The following ARID1B variants were observed in gnomAD, a reference collection of about 807,000 sequenced individuals.
ARID1B encodes AT-rich interactive domain-containing protein 1B.
Under a neutral mutation model 212.3 loss-of-function variants are expected in ARID1B, and 30 were observed. That is an observed-to-expected ratio of 0.14 (90% CI 0.11 to 0.19). The LOEUF is 0.19. ARID1B is among the 10% of genes least tolerant of loss of function. The probability of loss-of-function intolerance (pLI) is 1.00; values close to 1 mark genes in which losing one functional copy is unlikely to be tolerated. For synonymous variants in ARID1B, 1,402 were observed against 1,301.7 expected (o/e 1.08, Z -1.66); for missense variants, 2,891 against 3,204.0 (o/e 0.90, Z 2.36).
At chr6:157,132,452 T>G (rs190809044) in intron 6 of ARID1B, among the ~76,000 whole-genome samples, 50 of 152,158 alleles carry the variant, frequency 3.3e-4, no homozygotes, top group Non-Finnish European at 6.5e-4. Flanking sequence ...CTGTAAGGGG[T>G]AGTGCCGAGT....
chr6:157,143,971 A>T (rs1789547728), intron 7 of ARID1B, among the ~76,000 whole-genome samples: 2 of 152,216 alleles, frequency 1.3e-5, no homozygotes, highest in Admixed American at 6.5e-5. Flanking sequence ...AAGTGCACAC[A>T]CGCGTGTCTT....
rs1789975143 is a variant in ARID1B at position 157,148,696 on chromosome 6, G to T, written c.2834G>T (p.Gly945Val). 2 of 1,612,988 alleles carry T rather than the reference G, an allele frequency of 1.2e-6. No individual in the cohort carries two copies. The highest frequency in any genetic ancestry group is 1.7e-6 in the Non-Finnish European group (2 of 1,179,836). Reference sequence around the variant, plus strand: ...TACAGCGGCCCAGGGCCCGGTATGGGTATCAGTGCCAACAACCAGATGCAT... The same window carrying T: ...TACAGCGGCCCAGGGCCCGGTATGGTTATCAGTGCCAACAACCAGATGCAT... The part of the protein sequence containing the change: ...ASYSGPGPGM[G>V]ISANNQMHGQ... The change falls in exon 8 of 20, where the codon GGT becomes GTT. Residue 945 changes from glycine (G) to valine (V), a missense_variant. By Grantham distance (109) the Gly-to-Val change is moderately radical. Around this residue, in one of 7 missense-constraint regions of ARID1B, gnomAD observed 1,643 missense variants for 1,544.0 expected, o/e 1.06. Coordinates refer to ENST00000636930, the MANE Select transcript of ARID1B (RefSeq NM_001374828.1). The surrounding 1 kb of genome is among the most constrained non-coding windows in gnomAD (Gnocchi z 5.6).
chr6:157,181,090 C>G lies in ARID1B; in HGVS notation c.3626C>G (p.Pro1209Arg), dbSNP rs377588212. Reference protein sequence around the residue: ...YLTFMEERGSPVSSLPAVGKK... With the variant: ...YLTFMEERGSRVSSLPAVGKK... ...ACCTTCATGGAAGAGAGAGGCTCTC[C>G]TGTCTCAAGTCTGCCTGCCGTGGGC... Residue 1209 changes from proline to arginine, a missense_variant, in exon 12 of 20, where the codon CCT (proline) becomes CGT (arginine). Physicochemically the swap from Pro to Arg is moderately radical, Grantham distance 103. Around this residue, in one of 7 missense-constraint regions of ARID1B, gnomAD observed 666 missense variants for 873.5 expected, o/e 0.76. Coordinates refer to ENST00000636930, the MANE Select transcript of ARID1B (RefSeq NM_001374828.1). 6.2e-7 allele frequency: 1 copy of G among 1,614,220 alleles called. No homozygotes were observed. The highest frequency in any genetic ancestry group is 1.1e-5 in the South Asian group (1 of 91,088).
intron 2 of ARID1B, among the ~76,000 whole-genome samples, chr6:156,854,496 C>T (rs961781369): frequency 2.0e-5 from 3 of 152,228 alleles, no homozygotes; most frequent in African/African-American, 7.2e-5. Context: ...CTGCTTGGTT[C>T]CTCCAGGCTC....
rs190003962 is a variant in ARID1B at position 156,884,946 on chromosome 6, A to G, written c.1987-16430A>G. 3.7e-3 allele frequency among the ~76,000 whole-genome samples: 558 copies of G among 152,286 alleles called. 4 individuals are homozygous for G. The highest frequency in any genetic ancestry group is 0.013 in the African/African-American group (527 of 41,554). Reference sequence around the variant, plus strand: ...TGGGATAAAGTTTCATTGTTCTTGTAAGAAACATTTTTGAAAGGAAACTAA... The same window carrying G: ...TGGGATAAAGTTTCATTGTTCTTGTGAGAAACATTTTTGAAAGGAAACTAA... On this transcript the variant is annotated intron_variant, in intron 2 of 19. Coordinates refer to ENST00000636930, the MANE Select transcript of ARID1B (RefSeq NM_001374828.1).
rs762338118 is a variant in ARID1B at position 157,190,250 on chromosome 6, G to A, written c.4231+40G>A. ...GCCTCCACCCGGCCATGGACCAGTG[G>A]GCATTCTACTCTCTGCCGTTCCACA... is the stretch of plus-strand genomic sequence containing the variant. On this transcript the variant is annotated intron_variant, in intron 15 of 19. Coordinates refer to ENST00000636930, the MANE Select transcript of ARID1B (RefSeq NM_001374828.1). This position sits in a 1 kb window ranked among gnomAD's most constrained non-coding sequence, Gnocchi z 4.6. The A allele has an allele frequency of 1.0e-5, 16 of 1,573,046 alleles. 1 individual carries two copies. In the South Asian group the frequency reaches 1.6e-4, roughly 16 times the overall value.
In ARID1B at chr6:157,190,147, C is replaced by A. The variant is rs747709980; in HGVS notation, c.4168C>A (p.Pro1390Thr). 14 of 1,614,040 alleles carry A rather than the reference C, an allele frequency of 8.7e-6. No homozygotes were observed. In the African/African-American group the frequency reaches 1.9e-4, roughly 22 times the overall value. The change falls in exon 15 of 20, where the codon CCC (proline) becomes ACC (threonine). Residue 1390 changes from proline (P) to threonine (T), a missense_variant. This residue lies in a region of ARID1B where 666 missense variants were observed against 873.5 expected (regional missense o/e 0.76). Transcript: ENST00000636930. This position sits in a 1 kb window ranked among gnomAD's most constrained non-coding sequence, Gnocchi z 4.6. ...NAPYQQGMSMPDVMGRMPYEP... is the reference protein window; with the variant it reads ...NAPYQQGMSMTDVMGRMPYEP... Reference sequence around the variant, plus strand: ...CCCCTACCAGCAGGGCATGAGCATGCCCGATGTGATGGGCAGGATGCCCTA... The same window carrying A: ...CCCCTACCAGCAGGGCATGAGCATGACCGATGTGATGGGCAGGATGCCCTA...
rs567389279 is a variant in ARID1B at position 157,005,441 on chromosome 6, A to G, written c.2247+69865A>G. On this transcript the variant is annotated intron_variant, in intron 4 of 19. Transcript: ENST00000636930. ...AGTGCTGGGATTACAGGCGTGAGTC[A>G]CCGTGCCAGGCCCTTATGTAGTGGC... is the stretch of plus-strand genomic sequence containing the variant. 3.9e-5 allele frequency among the ~76,000 whole-genome samples: 6 copies of G among 152,224 alleles called. No homozygotes were observed. In the South Asian group the frequency reaches 1.2e-3, roughly 32 times the overall value.
intron 4 of ARID1B, among the ~76,000 whole-genome samples, chr6:157,020,407 T>C (rs1376357496): frequency 6.6e-6 from 1 of 152,192 alleles, no homozygotes; most frequent in East Asian, 1.9e-4. Flanking sequence ...ATTGCGATAA[T>C]ATATAACTAC....
chr6:156,778,116 C>G lies in ARID1B; in HGVS notation c.436C>G (p.Leu146Val), dbSNP rs1487880411. 2 of 1,541,120 alleles carry G rather than the reference C, an allele frequency of 1.3e-6. No homozygotes were observed. Among genetic ancestry groups the G allele is most frequent in the African/African-American group, 2.7e-5 (2 of 72,802 alleles). ...CCCGGGCTCGGCCATGGAGACGGGG[C>G]TGCTCCCCAACCACAAACTGAAAAC... ...SGPGSAMETG[L>V]LPNHKLKTVG... is the part of the protein sequence containing the mutation. The change falls in exon 1 of 20, where the codon CTG becomes GTG. Residue 146 changes from leucine to valine, a missense_variant. This residue lies in a region of ARID1B where 1,643 missense variants were observed against 1,544.0 expected (regional missense o/e 1.06). Transcript: ENST00000636930.
chr6:156,942,005 T>A (rs1011459187), intron 4 of ARID1B: 16 of 152,370 alleles, frequency 1.1e-4, no homozygotes, highest in African/African-American at 3.1e-4. Context: ...TTTAATTTTT[T>A]AAAATACATT....
intron 6 of ARID1B, 54 bp from the exon 7 acceptor site, chr6:157,132,974 T>C (rs1487735319): frequency 5.8e-5 from 89 of 1,546,080 alleles, no homozygotes; most frequent in Non-Finnish European, 7.6e-5. Flanking sequence ...TTTTTATGTA[T>C]GCAGAGATTA....
At chr6:157,092,540 T>G (rs985453456) in intron 5 of ARID1B, among the ~76,000 whole-genome samples, 7 of 152,242 alleles carry the variant, frequency 4.6e-5, no homozygotes, top group African/African-American at 1.7e-4. Flanking sequence ...TTCTGATGGG[T>G]GGGGAATGAG....
At chr6:156,850,618 C>T (rs1320283186) in intron 2 of ARID1B, among the ~76,000 whole-genome samples, 3 of 152,178 alleles carry the variant, frequency 2.0e-5, no homozygotes, top group Non-Finnish European at 4.4e-5. Context: ...CTCAAACAAG[C>T]ATTTAATGTA....
intron 1 of ARID1B, among the ~76,000 whole-genome samples, chr6:156,796,844 G>C (rs1055759606): frequency 6.6e-6 from 1 of 152,222 alleles, no homozygotes; most frequent in Non-Finnish European, 1.5e-5. Flanking sequence ...TGGGGTGGGC[G>C]TAGGAGCAGA....
chr6:156,885,712 A>G (rs796622329), intron 2 of ARID1B, among the ~76,000 whole-genome samples: 28 of 152,336 alleles, frequency 1.8e-4, no homozygotes, highest in African/African-American at 6.5e-4. Context: ...GTACTTTGAT[A>G]CTTTATCCAA....
At chr6:156,839,393 C>G (rs1783735869) in intron 2 of ARID1B, among the ~76,000 whole-genome samples, 1 of 152,108 alleles carries the variant, frequency 6.6e-6, no homozygotes, top group African/African-American at 2.4e-5. Context: ...GAACCTCATT[C>G]TGATGACCTT....
rs867240049 is a variant in ARID1B at position 156,777,955 on chromosome 6, C to G, written c.275C>G (p.Ala92Gly). 3 of 1,529,572 alleles carry G rather than the reference C, an allele frequency of 2.0e-6. No individual in the cohort carries two copies. Among genetic ancestry groups the G allele is most frequent in the Non-Finnish European group, 2.6e-6 (3 of 1,144,610 alleles). 94.8% of individuals were successfully genotyped at this position (1,529,572 alleles called of 1,614,324 possible). A position where few individuals can be genotyped will look rare whatever the true frequency, so the allele number is the denominator to read the frequency against. Residue 92 changes from alanine to glycine, a missense_variant, in exon 1 of 20, where the codon GCC becomes GGC. Around this residue, in one of 7 missense-constraint regions of ARID1B, gnomAD observed 1,643 missense variants for 1,544.0 expected, o/e 1.06. Transcript: ENST00000636930. ...ATGGCCCATAACGCGGGCGCCGCGG[C>G]CGCCGCCGGCACCCACAGCGCCAAG... ...LNMAHNAGAA[A>G]AAGTHSAKSG...
chr6:157,110,816 G>A, intron 6 of ARID1B: 1 of 544,520 alleles, frequency 1.8e-6, no homozygotes, highest in South Asian at 2.2e-5. Flanking sequence ...GCACCATGAA[G>A]CATGGTTCAC....
Sources: allele counts gnomAD v4.1 joint callset (sites outside exome capture counted in the v4.1 genomes callset), GRCh38; gene constraint gnomAD v4.1.1; regional missense constraint gnomAD v4.1.1; non-coding constraint Gnocchi (gnomAD v3.1); transcripts MANE v1.5; gene names NCBI Gene and HGNC (gene_info 2026-07-23, HGNC 2026-07-21).